INTS3: variants seen among roughly 807,000 people sequenced by gnomAD.
INTS3 encodes the protein SOSS complex subunit A.
In INTS3, 34 loss-of-function variants were observed where a neutral mutation model predicts 146.3. That is an observed-to-expected ratio of 0.23 (90% CI 0.18 to 0.31). INTS3 has a LOEUF of 0.31. Ranked by LOEUF, INTS3 falls within the 10% of genes least tolerant of loss-of-function variation. The pLI is 1.00. For synonymous variants in INTS3, 475 were observed against 494.9 expected (o/e 0.96, Z 0.53); for missense variants, 757 against 1,304.2 (o/e 0.58, Z 6.46).
intron 3 of INTS3, among the ~76,000 whole-genome samples, chr1:153,744,250 C>A (rs748640413): frequency 6.6e-6 from 1 of 152,214 alleles, no homozygotes; most frequent in Non-Finnish European, 1.5e-5. Flanking sequence ...CTGCTGTCTT[C>A]ATCTGACCCT....
At chr1:153,731,389 G>A (rs888961908) in intron 1 of INTS3, among the ~76,000 whole-genome samples, 2 of 151,970 alleles carry the variant, frequency 1.3e-5, no homozygotes, top group East Asian at 1.9e-4. Flanking sequence ...CTTTGAAGGC[G>A]GAAGTCTTCT....
chr1:153,771,775 A>T, intron 25 of INTS3, 21 bp from the exon 26 acceptor site: 1 of 1,602,796 alleles, frequency 6.2e-7, no homozygotes, highest in Non-Finnish European at 8.5e-7. Flanking sequence ...AGCAGCACCC[A>T]GTGCCCCCTT....
chr1:153,763,482 G>A, intron 16 of INTS3, 120 bp downstream of exon 16: 4 of 1,103,072 alleles, frequency 3.6e-6, no homozygotes, highest in South Asian at 1.4e-5. Flanking sequence ...GTGTGGAGAG[G>A]TAGCTGAAGC....
chr1:153,769,044 C>G, intron 22 of INTS3, 83 bp downstream of exon 22: 1 of 1,131,960 alleles, frequency 8.8e-7, no homozygotes, highest in Non-Finnish European at 1.3e-6. Flanking sequence ...TCCAGGCCTG[C>G]AGACAGGGAG....
chr1:153,761,359 A>C, intron 13 of INTS3: 1 of 520,596 alleles, frequency 1.9e-6, no homozygotes, highest in South Asian at 2.7e-5. Context: ...AAAATACAAA[A>C]ATTAGCCAGG....
intron 1 of INTS3, 143 bp downstream of exon 1, chr1:153,728,927 T>C: frequency 1.7e-6 from 1 of 584,792 alleles, no homozygotes; most frequent in Non-Finnish European, 2.9e-6. Flanking sequence ...CTGCTCCAGC[T>C]TCCTGCTCCT....
At position 153,773,332 on chromosome 1, in the gene INTS3, G is replaced by T. The variant is rs1672987051; in HGVS notation, c.*62G>T. 6.9e-7 allele frequency: 1 copy of T among 1,444,186 alleles called. No individual in the cohort carries two copies. The highest frequency in any genetic ancestry group is 9.8e-7 in the Non-Finnish European group (1 of 1,025,156). 89.5% of individuals were successfully genotyped at this position (1,444,186 alleles called of 1,614,324 possible). ...CCCTCTCCTTCTTGGTGATTCAAAG[G>T]TTAATAGAGGCTGAGGAGATTGCAG... On this transcript the variant is annotated 3_prime_UTR_variant, in exon 30 of 30. Transcript: ENST00000318967.
chr1:153,769,954 G>A (rs996026088), intron 23 of INTS3, 110 bp downstream of exon 23: 83 of 839,210 alleles, frequency 9.9e-5, no homozygotes, highest in Middle Eastern at 4.7e-4. Context: ...AAGTTAAGGG[G>A]AGAGAATTGT....
At chr1:153,754,777 G>C in intron 9 of INTS3, 38 bp downstream of exon 9, 1 of 1,292,562 alleles carries the variant, frequency 7.7e-7, no homozygotes, top group Non-Finnish European at 1.1e-6. Flanking sequence ...GAGGTCACAC[G>C]CTGGCTGGGC....
At chr1:153,733,036 C>T (rs998552302) in intron 1 of INTS3, among the ~76,000 whole-genome samples, 1 of 150,082 alleles carries the variant, frequency 6.7e-6, no homozygotes, top group Non-Finnish European at 1.5e-5. Flanking sequence ...GAACTCCTGA[C>T]CTCGTACACC....
In INTS3 at chr1:153,774,209, G is replaced by C. The variant is rs956234128; in HGVS notation, c.*939G>C. 1 of 152,182 alleles carries C rather than the reference G, an allele frequency of 6.6e-6. No individual in the cohort carries two copies. Among genetic ancestry groups the C allele is most frequent in the African/African-American group, 2.4e-5 (1 of 41,434 alleles). The allele number at this position is 152,182 out of a possible 1,614,324, so 9.4% of individuals were successfully genotyped here. A position where few individuals can be genotyped will look rare whatever the true frequency, so the allele number is the denominator to read the frequency against. ...CCTGTTCTGCCCCCACTTTTGTCTA[G>C]AGCAGAAGGGACTTGGCTTTGGCCA... On this transcript the variant is annotated 3_prime_UTR_variant, in exon 30 of 30. Coordinates refer to ENST00000318967, the MANE Select transcript of INTS3 (RefSeq NM_023015.5).
At chr1:153,765,257 C>T (rs75773435) in intron 20 of INTS3, among the ~76,000 whole-genome samples, 194 bp downstream of exon 20, 3,224 of 152,276 alleles carry the variant, frequency 0.021, 109 homozygotes, top group African/African-American at 0.066. Flanking sequence ...GTGCATGTCA[C>T]TCACTGCAGC....
At chr1:153,755,648 C>T (rs1415892056) in intron 9 of INTS3, among the ~76,000 whole-genome samples, 1 of 152,228 alleles carries the variant, frequency 6.6e-6, no homozygotes, top group Admixed American at 6.5e-5. Context: ...TTTCCCAAGT[C>T]ACCCAGAATA....
chr1:153,736,199 A>C (rs562064072), intron 1 of INTS3, among the ~76,000 whole-genome samples: 2 of 152,278 alleles, frequency 1.3e-5, no homozygotes, highest in South Asian at 4.2e-4. Flanking sequence ...TCCTTTTCAC[A>C]AGTACACAGG....
intron 1 of INTS3, among the ~76,000 whole-genome samples, chr1:153,732,979 T>G (rs1671137062): frequency 6.6e-6 from 1 of 150,932 alleles, no homozygotes; most frequent in African/African-American, 2.4e-5. Context: ...AATTTTTTTG[T>G]ATTTTTAGTA....
chr1:153,731,901 C>A, intron 1 of INTS3, among the ~76,000 whole-genome samples: 1 of 65,282 alleles, frequency 1.5e-5, no homozygotes, highest in East Asian at 5.2e-4. Flanking sequence ...CTTTTTTTAA[C>A]TTTTTTTTTT....
chr1:153,730,417 A>T (rs1271201800), intron 1 of INTS3, among the ~76,000 whole-genome samples: 1 of 152,216 alleles, frequency 6.6e-6, no homozygotes, highest in East Asian at 1.9e-4. Flanking sequence ...ATCCCTGTGT[A>T]CTAACACTGG....
Position 153,770,382 on chromosome 1 carries a change from C to T in INTS3, c.2503+71C>T, listed in dbSNP as rs978550402. On this transcript the variant is annotated intron_variant, in intron 24 of 29. Coordinates refer to ENST00000318967, the MANE Select transcript of INTS3 (RefSeq NM_023015.5). ...TATACAGTTAGGGCAAGGCTGAGGC[C>T]TCTAGGCTTCTAGGATGAGCCCAGA... 4.1e-6 allele frequency: 4 copies of T among 975,174 alleles called. No homozygotes were observed. The African/African-American group carries it at 4.8e-5, about 12-fold the overall frequency. 60.4% of individuals were successfully genotyped at this position (975,174 alleles called of 1,614,324 possible). A position where few individuals can be genotyped will look rare whatever the true frequency, so the allele number is the denominator to read the frequency against.
chr1:153,765,342 C>T (rs1335557928), intron 20 of INTS3, among the ~76,000 whole-genome samples: 1 of 152,080 alleles, frequency 6.6e-6, no homozygotes, highest in Non-Finnish European at 1.5e-5. Flanking sequence ...CATGCACTAC[C>T]ATGCCCAGAT....
Sources: allele counts gnomAD v4.1 joint callset (sites outside exome capture counted in the v4.1 genomes callset), GRCh38; gene constraint gnomAD v4.1.1; transcripts MANE v1.5; gene names NCBI Gene and HGNC (gene_info 2026-07-23, HGNC 2026-07-21).